The following CYP4F11 variants were observed in gnomAD, a reference collection of about 807,000 sequenced individuals.
CYP4F11 encodes cytochrome P450 family 4 subfamily F member 11.
Under a neutral mutation model 62.2 loss-of-function variants are expected in CYP4F11, and 79 were observed. That is an observed-to-expected ratio of 1.27 (90% CI 1.06 to 1.53). CYP4F11 has a LOEUF of 1.53. Among genes scored for constraint, CYP4F11 ranks in the 40% most tolerant of loss-of-function variants. The pLI is 0.00. For missense variants in CYP4F11, 777 were observed against 680.5 expected (o/e 1.14, Z -1.58); for synonymous variants, 290 against 263.7 (o/e 1.10, Z -0.97).
chr19:15,913,660 G>A lies in CYP4F11; in HGVS notation c.*72C>T. 4 of 1,584,598 alleles carry A rather than the reference G, an allele frequency of 2.5e-6. No individual in the cohort carries two copies. Among genetic ancestry groups the A allele is most frequent in the Non-Finnish European group, 3.5e-6 (4 of 1,158,042 alleles). ...CAGGAGCCCCATGCTGGCTGTCAAC[G>A]AGGCTCAAGCAGAGGTGTCAGCATA... is the stretch of plus-strand genomic sequence containing the variant. On this transcript the variant is annotated 3_prime_UTR_variant, in exon 12 of 12. Transcript: ENST00000402119.
chr19:15,930,726 C>T (rs768942837), intron 1 of CYP4F11, among the ~76,000 whole-genome samples: 2 of 152,154 alleles, frequency 1.3e-5, no homozygotes, highest in South Asian at 2.1e-4. Flanking sequence ...TGGAAAAGTC[C>T]GCATGGAAGG....
intron 11 of CYP4F11, 27 bp from the exon 12 acceptor site, chr19:15,913,936 C>A (rs746582758): frequency 6.3e-7 from 1 of 1,593,934 alleles, no homozygotes. Flanking sequence ...GGGAATCTGA[C>A]TGTGCCCATG....
rs1441611175 is a variant in CYP4F11, at chr19:15,924,895, A to G, written c.526-13T>C. 6.2e-7 allele frequency: 1 copy of G among 1,604,400 alleles called. No individual in the cohort carries two copies. Among genetic ancestry groups the G allele is most frequent in the Non-Finnish European group, 8.5e-7 (1 of 1,175,024 alleles). On this transcript the variant is annotated splice_polypyrimidine_tract_variant and intron_variant, in intron 4 of 11. Transcript: ENST00000402119. ...GCTGCCACTTGTCCTGGCCAGAGAA[A>G]AAACAGAGCCAAAGCTGGGAACTGC...
rs1373014036 is a variant in CYP4F11, at chr19:15,925,761, C to CGGG, written c.526-880_526-879insCCC. On this transcript the variant is annotated intron_variant, in intron 4 of 11. Coordinates refer to ENST00000402119, the MANE Select transcript of CYP4F11 (RefSeq NM_021187.4). ...ACACACACACACACACACACACACC[C>CGGG]TGTAGTTGTTTGGGCCGTTTCTCAG... Among the ~76,000 whole-genome samples the CGGG allele has an allele frequency of 5.3e-5, 8 of 151,512 alleles. No homozygotes were observed. In the East Asian group the frequency reaches 1.6e-3, roughly 29 times the overall value.
chr19:15,914,447 A>C, intron 10 of CYP4F11, 60 bp from the exon 11 acceptor site: 2 of 1,577,932 alleles, frequency 1.3e-6, no homozygotes, highest in Non-Finnish European at 1.7e-6. Flanking sequence ...GGGGTCTCCC[A>C]GTTGTCTCCA....
Position 15,912,540 on chromosome 19 carries a change from C to T in CYP4F11, c.*1192G>A, listed in dbSNP as rs1282286734. On this transcript the variant is annotated 3_prime_UTR_variant, in exon 12 of 12. Coordinates refer to ENST00000402119, the MANE Select transcript of CYP4F11 (RefSeq NM_021187.4). ...GATTAGAGAAGTCAACAGGGTTTAG[C>T]GATGCAACATCCCTTAGGCTATGAA... The T allele has an allele frequency of 1.3e-5, 2 of 151,402 alleles. No individual in the cohort carries two copies. The highest frequency in any genetic ancestry group is 2.9e-5 in the Non-Finnish European group (2 of 67,924). The allele number at this position is 151,402 out of a possible 1,614,324, so 9.4% of individuals were successfully genotyped here.
At chr19:15,926,412 G>A (rs946069148) in intron 4 of CYP4F11, among the ~76,000 whole-genome samples, 5 of 152,162 alleles carry the variant, frequency 3.3e-5, no homozygotes, top group African/African-American at 1.2e-4. Context: ...TAGCTTATCA[G>A]CTTGCAATTA....
chr19:15,925,241 T>C (rs2089660078), intron 4 of CYP4F11, among the ~76,000 whole-genome samples: 1 of 152,168 alleles, frequency 6.6e-6, no homozygotes, highest in Non-Finnish European at 1.5e-5. Flanking sequence ...CCACCACTCG[T>C]AGCTCACTTA....
rs1178858024 is a variant in CYP4F11, at chr19:15,927,494, T to C, written c.344-11A>G. 6.2e-7 allele frequency: 1 copy of C among 1,612,920 alleles called. No individual in the cohort carries two copies. Among genetic ancestry groups the C allele is most frequent in the African/African-American group, 1.3e-5 (1 of 74,862 alleles). On this transcript the variant is annotated splice_polypyrimidine_tract_variant and intron_variant, in intron 2 of 11. Transcript: ENST00000402119. ...TGGGTGCGACAGCAGCTGACATGAT[T>C]GAGGACCATCAGTGGCCATGGAGAG...
Position 15,912,443 on chromosome 19 carries a change from A to G in CYP4F11, c.*1289T>C, listed in dbSNP as rs1344919019. On this transcript the variant is annotated 3_prime_UTR_variant, in exon 12 of 12. Coordinates refer to ENST00000402119, the MANE Select transcript of CYP4F11 (RefSeq NM_021187.4). ...TACGATGGTCCCAAATAAAAAATAT[A>G]ATGTATTTGGAGATCAGAATCAAGG... 1.3e-5 allele frequency: 2 copies of G among 152,180 alleles called. No homozygotes were observed. The highest frequency in any genetic ancestry group is 1.3e-4 in the Admixed American group (2 of 15,280). The allele number at this position is 152,180 out of a possible 1,614,324, so 9.4% of individuals were successfully genotyped here.
chr19:15,918,112 A>G (rs2089596521), intron 8 of CYP4F11, among the ~76,000 whole-genome samples: 1 of 152,228 alleles, frequency 6.6e-6, no homozygotes, highest in Non-Finnish European at 1.5e-5. Context: ...AGCCATAAAA[A>G]TGAACAAGAT....
chr19:15,920,549 C>G (rs2089617773), intron 8 of CYP4F11, among the ~76,000 whole-genome samples: 1 of 152,180 alleles, frequency 6.6e-6, no homozygotes, highest in African/African-American at 2.4e-5. Context: ...CTCCACCTTA[C>G]AGGACCCTGT....
At position 15,912,705 on chromosome 19, in the gene CYP4F11, GT is replaced by G. The variant is rs2089542432; in HGVS notation, c.*1026del. 1.8e-5 allele frequency: 1 copy of G among 54,586 alleles called. No individual in the cohort carries two copies. The highest frequency in any genetic ancestry group is 2.2e-4 in the Admixed American group (1 of 4,644). 3.4% of individuals were successfully genotyped at this position (54,586 alleles called of 1,614,324 possible). On this transcript the variant is annotated 3_prime_UTR_variant, in exon 12 of 12. Coordinates refer to ENST00000402119, the MANE Select transcript of CYP4F11 (RefSeq NM_021187.4). ...AATATATATATATATATATGTGTGT[GT>G]GTGTGTGTGTGTGTGTGTGTGTGTG...
At position 15,934,482 on chromosome 19, in the gene CYP4F11, G is replaced by T. The variant is rs1400933531; in HGVS notation, c.-74C>A. ...GGCCCAGGAAGCTCCAAGGACAGTG[G>T]AAAGGGGCAAGGATGGGCAGTGCTG... On this transcript the variant is annotated 5_prime_UTR_variant, in exon 1 of 12. Coordinates refer to ENST00000402119, the MANE Select transcript of CYP4F11 (RefSeq NM_021187.4). The T allele has an allele frequency of 4.5e-5, 70 of 1,551,512 alleles. No homozygotes were observed. In the South Asian group the frequency reaches 7.2e-4, roughly 16 times the overall value.
chr19:15,925,729 T>TGCACAC (rs138322139), intron 4 of CYP4F11, among the ~76,000 whole-genome samples: 1 of 142,820 alleles, frequency 7.0e-6, no homozygotes, highest in African/African-American at 2.6e-5. Context: ...TACATATATG[T>TGCACAC]ACACACACAC....
chr19:15,926,194 C>A (rs1399004838), intron 4 of CYP4F11, among the ~76,000 whole-genome samples: 2 of 151,644 alleles, frequency 1.3e-5, no homozygotes, highest in East Asian at 3.9e-4. Flanking sequence ...TTCCCTAAGC[C>A]TAGTGCTCCT....
intron 1 of CYP4F11, among the ~76,000 whole-genome samples, chr19:15,931,702 GA>G (rs2089726615): frequency 1.4e-5 from 1 of 69,534 alleles, no homozygotes; most frequent in Non-Finnish European, 2.6e-5. Flanking sequence ...ATGAGTGAGC[GA>G]GGAGAGGAAT....
Position 15,912,695 on chromosome 19 carries a change from ATATGTGTG to A in CYP4F11, c.*1029_*1036del, listed in dbSNP as rs1470806968. The A allele has an allele frequency of 4.1e-4, 17 of 41,420 alleles. No homozygotes were observed. The highest frequency in any genetic ancestry group is 1.2e-3 in the African/African-American group (15 of 12,764). The allele number at this position is 41,420 out of a possible 1,614,324, so 2.6% of individuals were successfully genotyped here. A position where few individuals can be genotyped will look rare whatever the true frequency, so the allele number is the denominator to read the frequency against. On this transcript the variant is annotated 3_prime_UTR_variant, in exon 12 of 12. Coordinates refer to ENST00000402119, the MANE Select transcript of CYP4F11 (RefSeq NM_021187.4). ...AAAAAAAAAAAATATATATATATAT[ATATGTGTG>A]TGTGTGTGTGTGTGTGTGTGTGTGT... is the stretch of plus-strand genomic sequence containing the variant.
At chr19:15,926,122 C>A (rs2089666954) in intron 4 of CYP4F11, among the ~76,000 whole-genome samples, 1 of 150,272 alleles carries the variant, frequency 6.7e-6, no homozygotes, top group Non-Finnish European at 1.5e-5. Flanking sequence ...AGAGATCATG[C>A]CACTGCACTC....
Sources: gnomAD v4.1 joint callset for allele counts (sites outside exome capture counted in the v4.1 genomes callset) on GRCh38, gnomAD v4.1.1 for gene constraint, MANE v1.5 for transcripts, NCBI Gene and HGNC (gene_info 2026-07-23, HGNC 2026-07-21) for gene names.